C7: variants seen among roughly 807,000 people sequenced by gnomAD.
The protein encoded by C7 is complement C7, also known as complement component C7.
A neutral mutation model predicts 104.8 loss-of-function variants in C7; 83 were observed. The observed-to-expected ratio is 0.79, with a 90% CI of 0.66 to 0.95. The LOEUF is 0.95. Ranked by LOEUF, C7 falls within the 40% of genes least tolerant of loss-of-function variation. The pLI, the probability that C7 is intolerant of heterozygous loss-of-function variation, is 0.00. For synonymous variants in C7, 415 were observed against 360.6 expected, an observed-to-expected ratio of 1.15 and a Z score of -1.71; for missense variants, 1,070 against 1,011.2, an observed-to-expected ratio of 1.06 and a Z score of -0.79.
At chr5:40,917,949 A>G (rs991960158) in intron 1 of C7, among the ~76,000 whole-genome samples, 13 of 152,174 alleles carry the variant, frequency 8.5e-5, no homozygotes, top group Non-Finnish European at 1.2e-4. Flanking sequence ...ACGGGAGAGT[A>G]AAAATGTAGA....
Position 40,959,441 on chromosome 5 carries a change from T to C in C7, c.1490-8T>C, listed in dbSNP as rs756592079. 1 of 1,607,576 alleles carries C rather than the reference T, an allele frequency of 6.2e-7. No individual in the cohort carries two copies. Among genetic ancestry groups the C allele is most frequent in the Non-Finnish European group, 8.5e-7 (1 of 1,177,618 alleles). ...AACTTATTGATCAACCTCTTTCTCA[T>C]CTTGTAGGAGGGGTTGATGGAGGTT... On this transcript the variant is annotated splice_polypyrimidine_tract_variant and splice_region_variant and intron_variant, in intron 11 of 17. Transcript: ENST00000313164.
chr5:40,931,187 T>C (rs1490065463), intron 3 of C7, 48 bp downstream of exon 3: 1 of 1,412,834 alleles, frequency 7.1e-7, no homozygotes, highest in Admixed American at 1.7e-5. Context: ...GCAGAAATAC[T>C]TTGGCATGGC....
At chr5:40,924,072 C>T (rs527958345) in intron 1 of C7, among the ~76,000 whole-genome samples, 24 of 152,164 alleles carry the variant, frequency 1.6e-4, no homozygotes, top group Non-Finnish European at 3.2e-4. Flanking sequence ...TCTCAAGTCT[C>T]AAGGACAAGG....
intron 10 of C7, among the ~76,000 whole-genome samples, chr5:40,956,870 C>T (rs1272689467): frequency 1.3e-5 from 2 of 152,226 alleles, no homozygotes; most frequent in Non-Finnish European, 2.9e-5. Context: ...TCATTGTCAG[C>T]ATCCCATACA....
At chr5:40,928,480 C>T in intron 1 of C7, 100 bp from the exon 2 acceptor site, 1 of 662,210 alleles carries the variant, frequency 1.5e-6, no homozygotes, top group Non-Finnish European at 2.6e-6. Context: ...ATAATAACAT[C>T]ACTTTGTACC....
At chr5:40,951,248 C>T (rs373253400) in intron 9 of C7, among the ~76,000 whole-genome samples, 123 of 152,120 alleles carry the variant, frequency 8.1e-4, no homozygotes, top group African/African-American at 2.8e-3. Flanking sequence ...AGTTAAGTTC[C>T]TTATATATTC....
At chr5:40,971,940 A>G in intron 14 of C7, 1 of 402,324 alleles carries the variant, frequency 2.5e-6, no homozygotes, top group Non-Finnish European at 4.8e-6. Context: ...CCTGGGCAAC[A>G]AGACAGACCC....
chr5:40,976,703 G>A, intron 15 of C7, 47 bp from the exon 16 acceptor site: 1 of 1,369,046 alleles, frequency 7.3e-7, no homozygotes, highest in Non-Finnish European at 1.0e-6. Flanking sequence ...TGTTTACTAT[G>A]AAGAGGCTTT....
intron 15 of C7, among the ~76,000 whole-genome samples, chr5:40,974,710 G>A (rs1037099527): frequency 3.9e-5 from 6 of 152,224 alleles, no homozygotes; most frequent in South Asian, 2.1e-4. Context: ...GAGCCACTGC[G>A]CCCGGCTTGA....
chr5:40,980,115 A>T (rs918596976), intron 17 of C7: 3 of 395,306 alleles, frequency 7.6e-6, no homozygotes, highest in African/African-American at 6.2e-5. Context: ...TAAGATTCCC[A>T]CATTCCTGAT....
intron 17 of C7, chr5:40,980,217 T>C (rs1740913328): frequency 4.3e-6 from 1 of 234,722 alleles, no homozygotes; most frequent in South Asian, 1.8e-4. Context: ...ACTCATTTTT[T>C]AAAAGTCTGA....
intron 13 of C7, among the ~76,000 whole-genome samples, chr5:40,963,006 A>G (rs953074550): frequency 1.1e-4 from 17 of 152,222 alleles, no homozygotes; most frequent in African/African-American, 3.6e-4. Flanking sequence ...AGAGAGAGAA[A>G]ATCAACCTAG....
chr5:40,964,809 T>C lies in C7; in HGVS notation c.1818T>C (p.Ile606=). The change falls in exon 14 of 18, where the codon ATT becomes ATC. Residue 606 remains isoleucine, a synonymous_variant. Transcript: ENST00000313164. The part of the protein sequence containing the change: ...VYTCNEGYSL[I]GNPVARCGED... ...CTTGCAATGAAGGATACTCTCTTAT[T>C]GGAAACCCAGTGGCCAGATGTGGAG... The C allele has an allele frequency of 6.2e-7, 1 of 1,613,798 alleles. No homozygotes were observed. The highest frequency in any genetic ancestry group is 8.5e-7 in the Non-Finnish European group (1 of 1,179,716).
At chr5:40,926,824 C>T (rs932201699) in intron 1 of C7, among the ~76,000 whole-genome samples, 1 of 152,084 alleles carries the variant, frequency 6.6e-6, no homozygotes, top group Non-Finnish European at 1.5e-5. Flanking sequence ...GTCCATACTA[C>T]CACAGTGATC....
At chr5:40,910,916 G>T (rs1475575787) in intron 1 of C7, among the ~76,000 whole-genome samples, 1 of 151,588 alleles carries the variant, frequency 6.6e-6, no homozygotes, top group Non-Finnish European at 1.5e-5. Context: ...TTTACAATAA[G>T]AAATCTTAAT....
chr5:40,972,425 A>G lies in C7; in HGVS notation c.1905A>G (p.Val635=). ...TAGAAATTGCCTGTGTTCTACCTGTACTGATGGATGGCATACAGAGTCACC... is the reference window on the plus strand; with the variant it reads ...TAGAAATTGCCTGTGTTCTACCTGTGCTGATGGATGGCATACAGAGTCACC... The part of the protein sequence containing the change: ...HCQKIACVLP[V]LMDGIQSHPQ... Residue 635 remains valine, a synonymous_variant, in exon 15 of 18, where the codon GTA becomes GTG. Coordinates refer to ENST00000313164, the MANE Select transcript of C7 (RefSeq NM_000587.4). 2 of 1,613,822 alleles carry G rather than the reference A, an allele frequency of 1.2e-6. No homozygotes were observed. Among genetic ancestry groups the G allele is most frequent in the Non-Finnish European group, 1.7e-6 (2 of 1,179,778 alleles).
At chr5:40,949,400 T>C (rs1579857639) in intron 8 of C7, among the ~76,000 whole-genome samples, 2 of 149,362 alleles carry the variant, frequency 1.3e-5, no homozygotes, top group East Asian at 1.9e-4. Flanking sequence ...TGATAATGAG[T>C]AGAAATGATC....
At chr5:40,967,484 T>A (rs1220025540) in intron 14 of C7, 1 of 152,536 alleles carries the variant, frequency 6.6e-6, no homozygotes, top group East Asian at 1.9e-4. Context: ...AATGGAGTGA[T>A]CTTGGCTCCA....
At position 40,955,428 on chromosome 5, in the gene C7, G is replaced by C. The variant is rs121964921; in HGVS notation, c.1135G>C (p.Gly379Arg). The change falls in exon 10 of 18, where the codon GGG becomes CGG. Residue 379 changes from glycine to arginine, a missense_variant. Transcript: ENST00000313164. The stretch of plus-strand genomic sequence containing the variant: ...ATTGCGAGGAGAACCGTTCATCAGA[G>C]GGGGAGGTGCAGGCTTCATATCTGG... ...NVLRGEPFIR[G>R]GGAGFISGLS... The C allele has an allele frequency of 1.5e-4, 245 of 1,612,162 alleles. No homozygotes were observed. The Middle Eastern group carries it at 2.1e-3, about 14-fold the overall frequency.
Sources: allele counts gnomAD v4.1 joint callset (sites outside exome capture counted in the v4.1 genomes callset), GRCh38; gene constraint gnomAD v4.1.1; transcripts MANE v1.5; gene names NCBI Gene and HGNC (gene_info 2026-07-23, HGNC 2026-07-21).